Variants in CDH18 observed in about 807,000 individuals in gnomAD.
CDH18 encodes cadherin-18.
CDH18 carries 31 observed loss-of-function variants against 67.9 expected under a neutral mutation model. The observed-to-expected ratio is 0.46, with a 90% CI of 0.34 to 0.62. The LOEUF is 0.62. CDH18 is among the 20% of genes least tolerant of loss of function. CDH18 has a pLI of 0.01. For synonymous variants in CDH18, 362 were observed against 347.2 expected (o/e 1.04, Z -0.48); for missense variants, 890 against 975.5 (o/e 0.91, Z 1.17).
At chr5:19,551,430 A>G (rs1737428318) in intron 8 of CDH18, among the ~76,000 whole-genome samples, 1 of 152,170 alleles carries the variant, frequency 6.6e-6, no homozygotes, top group Non-Finnish European at 1.5e-5. Context: ...GTTTGAAACC[A>G]AGCAAACCTG....
chr5:20,366,766 C>T (rs1296035108), intron 1 of CDH18, among the ~76,000 whole-genome samples: 1 of 152,194 alleles, frequency 6.6e-6, no homozygotes, highest in Non-Finnish European at 1.5e-5. Flanking sequence ...AGCATTATTT[C>T]ATGGAGTCCA....
intron 2 of CDH18, among the ~76,000 whole-genome samples, chr5:20,206,168 C>T (rs929543857): frequency 1.3e-5 from 2 of 151,674 alleles, no homozygotes; most frequent in African/African-American, 4.8e-5. Context: ...GCAACTTATA[C>T]CACAGAAATG....
intron 2 of CDH18, among the ~76,000 whole-genome samples, chr5:20,133,895 T>C (rs1561817572): frequency 6.6e-6 from 1 of 152,202 alleles, no homozygotes; most frequent in African/African-American, 2.4e-5. Flanking sequence ...AAATTTATTC[T>C]GTTCTGCTCT....
intron 10 of CDH18, among the ~76,000 whole-genome samples, chr5:19,508,119 T>C (rs1284365871): frequency 2.0e-5 from 3 of 152,068 alleles, no homozygotes; most frequent in Admixed American, 6.6e-5. Flanking sequence ...TGCTGTAATA[T>C]TTGCTTGGTC....
intron 6 of CDH18, among the ~76,000 whole-genome samples, chr5:19,602,952 C>T (rs898252726): frequency 1.6e-4 from 21 of 134,888 alleles, no homozygotes; most frequent in African/African-American, 5.3e-4. Context: ...TGAAGAAGAG[C>T]GAAACTCCAT....
At chr5:19,963,386 C>T (rs1797105811) in intron 2 of CDH18, among the ~76,000 whole-genome samples, 1 of 152,012 alleles carries the variant, frequency 6.6e-6, no homozygotes, top group African/African-American at 2.4e-5. Flanking sequence ...TTGGCTGTGT[C>T]CCCACCCAAA....
At chr5:20,450,261 C>T (rs1238072229) in intron 1 of CDH18, among the ~76,000 whole-genome samples, 2 of 152,040 alleles carry the variant, frequency 1.3e-5, no homozygotes, top group African/African-American at 4.8e-5. Context: ...GCAGGAGAAT[C>T]GCTTGAACTT....
Position 19,904,316 on chromosome 5 carries a change from A to C in CDH18, c.-256-65074T>G, listed in dbSNP as rs929561261. 2.1e-5 allele frequency among the ~76,000 whole-genome samples: 3 copies of C among 144,506 alleles called. No homozygotes were observed. The Admixed American group carries it at 2.1e-4, about 10-fold the overall frequency. The allele number at this position is 144,506 out of a possible 152,430, so 94.8% of individuals were successfully genotyped here. ...AAGAAAAAAAGAAAAGAAAAAACGA[A>C]AAGAAAAGAAAAGAGAGAGAAGGGA... On this transcript the variant is annotated intron_variant, in intron 2 of 12. Transcript: ENST00000382275.
intron 1 of CDH18, among the ~76,000 whole-genome samples, chr5:20,500,901 A>G (rs1754210503): frequency 6.6e-6 from 1 of 152,192 alleles, no homozygotes; most frequent in Non-Finnish European, 1.5e-5. Context: ...AATACTTGAT[A>G]TTTAATCAGT....
At chr5:20,503,107 A>G (rs1237737778) in intron 1 of CDH18, among the ~76,000 whole-genome samples, 1 of 152,182 alleles carries the variant, frequency 6.6e-6, no homozygotes, top group African/African-American at 2.4e-5. Context: ...TTTTTCAACT[A>G]TTAGTTTCAC....
chr5:20,402,847 G>C (rs1201044163), intron 1 of CDH18, among the ~76,000 whole-genome samples: 1 of 151,952 alleles, frequency 6.6e-6, no homozygotes, highest in African/African-American at 2.4e-5. Context: ...GGCGGAGGTT[G>C]CAGTGAGCTG....
At chr5:19,478,107 GTATT>G (rs1738791024) in intron 12 of CDH18, among the ~76,000 whole-genome samples, 1 of 151,928 alleles carries the variant, frequency 6.6e-6, no homozygotes. Context: ...AACATTTTTT[GTATT>G]TGTTTTCTCA....
chr5:19,736,328 C>T (rs565336731), intron 4 of CDH18, among the ~76,000 whole-genome samples: 1 of 152,006 alleles, frequency 6.6e-6, no homozygotes, highest in Non-Finnish European at 1.5e-5. Context: ...CTGCAGTGAG[C>T]CATAATCGTG....
intron 10 of CDH18, among the ~76,000 whole-genome samples, chr5:19,508,897 C>T (rs1384658300): frequency 7.0e-6 from 1 of 142,568 alleles, no homozygotes; most frequent in Non-Finnish European, 1.5e-5. Flanking sequence ...CAGAGACTCA[C>T]TCTGTAACCA....
intron 2 of CDH18, among the ~76,000 whole-genome samples, chr5:19,941,771 A>G (rs1794844960): frequency 6.6e-6 from 1 of 152,004 alleles, no homozygotes; most frequent in Non-Finnish European, 1.5e-5. Context: ...TGGGTGACAG[A>G]GCAAAACCCT....
intron 2 of CDH18, among the ~76,000 whole-genome samples, chr5:19,920,946 G>A (rs1393226682): frequency 6.6e-6 from 1 of 150,470 alleles, no homozygotes; most frequent in Non-Finnish European, 1.5e-5. Context: ...TAGAGTACAT[G>A]ATAAAAATAT....
chr5:20,152,835 A>C (rs1751228052), intron 2 of CDH18, among the ~76,000 whole-genome samples: 1 of 152,154 alleles, frequency 6.6e-6, no homozygotes, highest in Non-Finnish European at 1.5e-5. Context: ...AATTTTACTT[A>C]ACGAAAAGTT....
chr5:19,736,808 CAGG>C (rs1768396220), intron 4 of CDH18, among the ~76,000 whole-genome samples: 1 of 152,118 alleles, frequency 6.6e-6, no homozygotes, highest in Non-Finnish European at 1.5e-5. Context: ...TGTGGCACAG[CAGG>C]AGAAGATTTA....
intron 1 of CDH18, among the ~76,000 whole-genome samples, chr5:20,369,017 A>T (rs1267923673): frequency 6.6e-6 from 1 of 151,792 alleles, no homozygotes; most frequent in African/African-American, 2.4e-5. Flanking sequence ...TTATCTTGGG[A>T]CTCAGCTTTC....
Sources: allele counts gnomAD v4.1 joint callset (sites outside exome capture counted in the v4.1 genomes callset), GRCh38; gene constraint gnomAD v4.1.1; transcripts MANE v1.5; gene names NCBI Gene and HGNC (gene_info 2026-07-23, HGNC 2026-07-21).